The following KIAA0753 variants were observed in gnomAD, a reference collection of about 807,000 sequenced individuals.
KIAA0753 encodes KIAA0753.
Under a neutral mutation model 116.9 loss-of-function variants are expected in KIAA0753, and 114 were observed. That is an observed-to-expected ratio of 0.98 (90% CI 0.84 to 1.14). The LOEUF is 1.14. KIAA0753 is among the 50% of genes most tolerant of loss of function. KIAA0753 has a pLI of 0.00. For missense variants in KIAA0753, 1,156 were observed against 1,172.4 expected, an observed-to-expected ratio of 0.99 and a Z score of 0.20; for synonymous variants, 405 against 413.1, an observed-to-expected ratio of 0.98 and a Z score of 0.24.
In KIAA0753 at chr17:6,578,858, C is replaced by A. The variant is rs1158947099; in HGVS notation, c.*889G>T. The A allele has an allele frequency of 1.3e-5, 2 of 151,916 alleles. No individual in the cohort carries two copies. The highest frequency in any genetic ancestry group is 6.6e-5 in the Admixed American group (1 of 15,194). The allele number at this position is 151,916 out of a possible 1,614,324, so 9.4% of individuals were successfully genotyped here. A position where few individuals can be genotyped will look rare whatever the true frequency, so the allele number is the denominator to read the frequency against. Reference sequence around the variant, plus strand: ...CCAGGCTATGATGGTTCTTAAGTTTCTTCCTTTCTCTGGGGAGACACAGAG... The same window carrying A: ...CCAGGCTATGATGGTTCTTAAGTTTATTCCTTTCTCTGGGGAGACACAGAG... On this transcript the variant is annotated 3_prime_UTR_variant, in exon 19 of 19. Coordinates refer to ENST00000361413, the MANE Select transcript of KIAA0753 (RefSeq NM_014804.3).
At position 6,623,443 on chromosome 17, in the gene KIAA0753, T is replaced by C. The variant is rs1041050062; in HGVS notation, c.888+66A>G. ...CATTAGTGCAGAGGGCCCTACACAA[T>C]ACTAACAAAACACTGGGAAATGTCA... is the stretch of plus-strand genomic sequence containing the variant. On this transcript the variant is annotated intron_variant, in intron 5 of 18. Coordinates refer to ENST00000361413, the MANE Select transcript of KIAA0753 (RefSeq NM_014804.3). The C allele has an allele frequency of 1.6e-5, 22 of 1,352,480 alleles. No individual in the cohort carries two copies. The African/African-American group carries it at 2.6e-4, about 16-fold the overall frequency. The allele number at this position is 1,352,480 out of a possible 1,614,324, so 83.8% of individuals were successfully genotyped here.
At chr17:6,631,014 T>C (rs567687634) in intron 2 of KIAA0753, among the ~76,000 whole-genome samples, 1 of 152,274 alleles carries the variant, frequency 6.6e-6, no homozygotes, top group African/African-American at 2.4e-5. Context: ...GGGTAGCAGA[T>C]AACTTTTCTG....
intron 2 of KIAA0753, among the ~76,000 whole-genome samples, chr17:6,633,797 A>G (rs762256189): frequency 7.9e-5 from 12 of 152,234 alleles, no homozygotes; most frequent in Admixed American, 3.3e-4. Context: ...AAAAAAATAT[A>G]AAATCCCATT....
Position 6,596,354 on chromosome 17 carries a change from G to C in KIAA0753, c.2173-11C>G. ...ATCAACAGCTGCAACCTACAAGATG[G>C]GGTGGGGTGGGGAGGAGAGGCATGG... On this transcript the variant is annotated splice_polypyrimidine_tract_variant and intron_variant, in intron 14 of 18. Transcript: ENST00000361413. The C allele has an allele frequency of 6.2e-7, 1 of 1,604,972 alleles. No homozygotes were observed. The highest frequency in any genetic ancestry group is 8.5e-7 in the Non-Finnish European group (1 of 1,173,168).
chr17:6,586,932 T>C (rs1968618827), intron 18 of KIAA0753, among the ~76,000 whole-genome samples: 2 of 152,202 alleles, frequency 1.3e-5, no homozygotes, highest in Admixed American at 6.5e-5. Context: ...ATCTTTGGAA[T>C]ATTCAAATCA....
At chr17:6,615,805 C>T (rs997659483) in intron 7 of KIAA0753, among the ~76,000 whole-genome samples, 2 of 152,250 alleles carry the variant, frequency 1.3e-5, no homozygotes, top group Non-Finnish European at 2.9e-5. Context: ...AGCCACCACC[C>T]TCATTGCTGA....
chr17:6,603,620 C>T (rs1970010801), intron 12 of KIAA0753, among the ~76,000 whole-genome samples: 1 of 152,146 alleles, frequency 6.6e-6, no homozygotes, highest in Admixed American at 6.5e-5. Flanking sequence ...AGAGAAGGCA[C>T]ATCACCTAGG....
chr17:6,616,147 C>T (rs1483944736), intron 7 of KIAA0753, among the ~76,000 whole-genome samples: 1 of 152,126 alleles, frequency 6.6e-6, no homozygotes, highest in Non-Finnish European at 1.5e-5. Flanking sequence ...AAGAGGGCTA[C>T]CATAATCTTA....
At chr17:6,633,099 A>C (rs1028495356) in intron 2 of KIAA0753, among the ~76,000 whole-genome samples, 3 of 152,182 alleles carry the variant, frequency 2.0e-5, no homozygotes, top group Admixed American at 2.0e-4. Flanking sequence ...CTTTATTTTC[A>C]GGAAAAAAAT....
rs1968867815 is a variant in KIAA0753 at position 6,589,880 on chromosome 17, C to G, written c.2685G>C (p.Met895Ile). The change falls in exon 18 of 19, where the codon ATG (methionine) becomes ATC (isoleucine). Residue 895 changes from methionine (M) to isoleucine (I), a missense_variant. Physicochemically the swap from Met to Ile is conservative, Grantham distance 10. Coordinates refer to ENST00000361413, the MANE Select transcript of KIAA0753 (RefSeq NM_014804.3). ...TACAGTAGTCACCGATGCTGTGCTG[C>G]ATACCCGGTGGGACAAAGAGGGGAG... ...GRAPLFVPPG[M>I]QHSIGDYCSR... 3 of 1,613,914 alleles carry G rather than the reference C, an allele frequency of 1.9e-6. No homozygotes were observed. The highest frequency in any genetic ancestry group is 1.3e-5 in the African/African-American group (1 of 74,916).
chr17:6,585,717 G>A (rs893213412), intron 18 of KIAA0753, among the ~76,000 whole-genome samples: 1 of 151,942 alleles, frequency 6.6e-6, no homozygotes, highest in Admixed American at 6.5e-5. Flanking sequence ...TCCTGTTCTT[G>A]TTTCATGATA....
In KIAA0753 at chr17:6,599,231, G is replaced by A. The variant is rs368647703; in HGVS notation, c.2172+6C>T. On this transcript the variant is annotated splice_donor_region_variant and intron_variant, in intron 14 of 18. Coordinates refer to ENST00000361413, the MANE Select transcript of KIAA0753 (RefSeq NM_014804.3). ...TACCAGAATGCCAATATCACACAAC[G>A]CATACCTCCTGTGCAGGCTGGGCTT... 1.2e-5 allele frequency: 20 copies of A among 1,604,308 alleles called. No individual in the cohort carries two copies. Among genetic ancestry groups the A allele is most frequent in the Non-Finnish European group, 1.7e-5 (20 of 1,171,236 alleles).
rs2150878700 is a variant in KIAA0753 at position 6,620,849 on chromosome 17, T to C, written c.1254A>G (p.Thr418=). 1 of 1,614,212 alleles carries C rather than the reference T, an allele frequency of 6.2e-7. No individual in the cohort carries two copies. Among genetic ancestry groups the C allele is most frequent in the Non-Finnish European group, 8.5e-7 (1 of 1,180,024 alleles). ...TSPKGERRPL[T]AKDTFPQETS... ...TTTCCTGTGGGAATGTGTCCTTTGC[T>C]GTGAGGGGCCTCCTCTCACCCTTTG... The change falls in exon 7 of 19, where the codon ACA becomes ACG. Residue 418 remains threonine (T), a synonymous_variant. Transcript: ENST00000361413.
intron 7 of KIAA0753, among the ~76,000 whole-genome samples, chr17:6,617,488 C>T (rs918316187): frequency 6.6e-6 from 1 of 152,156 alleles, no homozygotes; most frequent in Non-Finnish European, 1.5e-5. Flanking sequence ...CAGTTTCTGG[C>T]CCAGAGCTCC....
At chr17:6,582,437 T>C (rs1046772375) in intron 18 of KIAA0753, among the ~76,000 whole-genome samples, 3 of 152,240 alleles carry the variant, frequency 2.0e-5, no homozygotes, top group Non-Finnish European at 4.4e-5. Context: ...ATAAGAAACA[T>C]TAACATGGTT....
chr17:6,629,110 T>A (rs1054787569), intron 2 of KIAA0753, among the ~76,000 whole-genome samples: 3 of 152,214 alleles, frequency 2.0e-5, no homozygotes, highest in African/African-American at 7.2e-5. Context: ...ATATAACCCA[T>A]TGAAGCTTTC....
chr17:6,590,747 C>A, intron 16 of KIAA0753, 117 bp from the exon 17 acceptor site: 1 of 1,063,028 alleles, frequency 9.4e-7, no homozygotes. Flanking sequence ...TTAAGCACGA[C>A]AGGGTTGGCT....
At chr17:6,590,060 C>G (rs1476831617) in intron 17 of KIAA0753, 57 bp from the exon 18 acceptor site, 2 of 1,314,088 alleles carry the variant, frequency 1.5e-6, no homozygotes, top group Non-Finnish European at 2.1e-6. Flanking sequence ...CAAGACTAAA[C>G]TGTTAATTTA....
At chr17:6,625,647 A>G (rs1485714110) in intron 3 of KIAA0753, among the ~76,000 whole-genome samples, 1 of 150,626 alleles carries the variant, frequency 6.6e-6, no homozygotes, top group Admixed American at 6.7e-5. Flanking sequence ...AGCCTGGGTG[A>G]CAAAATGAGA....
Sources: gnomAD v4.1 joint callset for allele counts (sites outside exome capture counted in the v4.1 genomes callset) on GRCh38, gnomAD v4.1.1 for gene constraint, MANE v1.5 for transcripts, NCBI Gene and HGNC (gene_info 2026-07-23, HGNC 2026-07-21) for gene names.